The following USH2A variants were observed in gnomAD, a reference collection of about 807,000 sequenced individuals.
The protein encoded by USH2A is Usher syndrome 2A (autosomal recessive, mild).
A neutral mutation model predicts 538.9 loss-of-function variants in USH2A; 443 were observed. The observed-to-expected ratio is 0.82, with a 90% confidence interval of 0.76 to 0.89. The LOEUF is 0.89. USH2A is among the 40% of genes least tolerant of loss of function. USH2A has a pLI of 0.00. For synonymous variants in USH2A, 2,413 were observed against 2,273.5 expected (o/e 1.06, Z -1.75); for missense variants, 6,633 against 6,324.8 (o/e 1.05, Z -1.65).
intron 16 of USH2A, among the ~76,000 whole-genome samples, chr1:216,205,869 G>A (rs1345306309): frequency 3.3e-5 from 5 of 152,122 alleles, no homozygotes; most frequent in African/African-American, 9.7e-5. Context: ...TGTCTTTAGG[G>A]AAACTGTATC....
chr1:215,786,988 G>T, intron 51 of USH2A, 114 bp from the exon 52 acceptor site: 1 of 940,920 alleles, frequency 1.1e-6, no homozygotes. Flanking sequence ...CTTACTTGAT[G>T]AATGAATATT....
chr1:215,627,752 A>C (rs1262545463), intron 71 of USH2A, among the ~76,000 whole-genome samples: 1 of 151,642 alleles, frequency 6.6e-6, no homozygotes, highest in Non-Finnish European at 1.5e-5. Flanking sequence ...TCTCTATCTA[A>C]CTCTGGACCT....
chr1:216,090,042 G>T (rs1310321799), intron 22 of USH2A, among the ~76,000 whole-genome samples: 1 of 151,448 alleles, frequency 6.6e-6, no homozygotes, highest in Non-Finnish European at 1.5e-5. Flanking sequence ...CTTCTAAATG[G>T]GAATGAATTT....
chr1:216,234,760 T>C (rs2035773063), intron 13 of USH2A, among the ~76,000 whole-genome samples: 1 of 152,136 alleles, frequency 6.6e-6, no homozygotes, highest in South Asian at 2.1e-4. Context: ...GAAGAAATGA[T>C]GTATTAGATA....
chr1:215,845,723 G>A (rs994051228), intron 45 of USH2A, 101 bp downstream of exon 45: 40 of 1,351,310 alleles, frequency 3.0e-5, no homozygotes, highest in Non-Finnish European at 3.7e-5. Flanking sequence ...CTCCCACACC[G>A]GAAATTTTAT....
intron 65 of USH2A, 138 bp downstream of exon 65, chr1:215,650,454 C>T (rs1657019680): frequency 3.0e-6 from 3 of 1,005,766 alleles, no homozygotes; most frequent in Non-Finnish European, 4.6e-6. Flanking sequence ...GATATTTGTG[C>T]TACTAAGTTC....
intron 56 of USH2A, among the ~76,000 whole-genome samples, chr1:215,760,301 T>C (rs1660943207): frequency 6.6e-6 from 1 of 152,150 alleles, no homozygotes; most frequent in Non-Finnish European, 1.5e-5. Flanking sequence ...CCTCATTTAC[T>C]GGGATCTCTT....
intron 48 of USH2A, 44 bp from the exon 49 acceptor site, chr1:215,813,948 A>G: frequency 6.3e-7 from 1 of 1,594,292 alleles, no homozygotes; most frequent in Non-Finnish European, 8.6e-7. Flanking sequence ...AGTTTAGTTA[A>G]GAGTGTTATA....
rs559352658 is a variant in USH2A at position 216,146,007 on chromosome 1, T to C, written c.4627+29245A>G. On this transcript the variant is annotated intron_variant, in intron 21 of 71. Transcript: ENST00000307340. The stretch of plus-strand genomic sequence containing the variant: ...CAGGTGAAATAAACAGCTTTATTGC[T>C]CACACAAAGCCTGTTTGGTGGTCTC... Among the ~76,000 whole-genome samples the C allele has an allele frequency of 4.7e-4, 72 of 152,302 alleles. 1 individual carries two copies. The South Asian group carries it at 0.014, about 30-fold the overall frequency.
intron 11 of USH2A, among the ~76,000 whole-genome samples, chr1:216,278,367 A>G (rs139961875): frequency 7.2e-4 from 109 of 152,262 alleles, no homozygotes; most frequent in African/African-American, 2.5e-3. Context: ...AACTCCCTCA[A>G]TACTAACCTT....
At chr1:216,009,032 C>G (rs1046119621) in intron 32 of USH2A, among the ~76,000 whole-genome samples, 13 of 152,024 alleles carry the variant, frequency 8.6e-5, no homozygotes, top group African/African-American at 3.1e-4. Flanking sequence ...GCAAATATCC[C>G]AACCTCGTAT....
intron 11 of USH2A, among the ~76,000 whole-genome samples, chr1:216,278,107 A>G (rs1191022052): frequency 6.6e-6 from 1 of 152,134 alleles, no homozygotes; most frequent in Non-Finnish European, 1.5e-5. Context: ...ATATCCAGAC[A>G]CTACCTAATG....
intron 35 of USH2A, among the ~76,000 whole-genome samples, chr1:215,973,656 C>CTTTTTTTTTTTTTTTTTTT (rs750306238): frequency 7.6e-6 from 1 of 130,960 alleles, no homozygotes; most frequent in Non-Finnish European, 1.6e-5. Context: ...TCTTCTTCTT[C>CTTTTTTTTTTTTTTTTTTT]TTTTTTTTTT....
chr1:216,291,901 T>C (rs992032384), intron 10 of USH2A, among the ~76,000 whole-genome samples: 2 of 152,152 alleles, frequency 1.3e-5, no homozygotes, highest in African/African-American at 4.8e-5. Context: ...TTTAGTCAAA[T>C]GGTGTGAACT....
At chr1:215,988,620 C>A (rs1667935469) in intron 35 of USH2A, among the ~76,000 whole-genome samples, 1 of 152,188 alleles carries the variant, frequency 6.6e-6, no homozygotes, top group Admixed American at 6.5e-5. Context: ...AATATTCCCA[C>A]CAACAGTATT....
chr1:215,783,772 G>T (rs560334604), intron 52 of USH2A, among the ~76,000 whole-genome samples: 1 of 152,262 alleles, frequency 6.6e-6, no homozygotes, highest in East Asian at 1.9e-4. Flanking sequence ...ATTTTTGTGT[G>T]TTAGCTTCTG....
chr1:216,256,827 G>T (rs1461986618), intron 11 of USH2A, among the ~76,000 whole-genome samples: 1 of 151,910 alleles, frequency 6.6e-6, no homozygotes, highest in East Asian at 1.9e-4. Context: ...TATCAGTAAG[G>T]TTTTTGGTCA....
intron 21 of USH2A, among the ~76,000 whole-genome samples, chr1:216,150,638 G>A (rs2033811786): frequency 6.6e-6 from 1 of 152,086 alleles, no homozygotes; most frequent in Non-Finnish European, 1.5e-5. Context: ...TTTCTAGACA[G>A]GTTCAGCAAG....
At chr1:216,329,544 G>A (rs536045503) in intron 4 of USH2A, among the ~76,000 whole-genome samples, 14 of 152,032 alleles carry the variant, frequency 9.2e-5, no homozygotes, top group African/African-American at 2.7e-4. Flanking sequence ...CCTGTGTCCC[G>A]TTTTTTCTTT....
Sources: allele counts gnomAD v4.1 joint callset (sites outside exome capture counted in the v4.1 genomes callset), GRCh38; gene constraint gnomAD v4.1.1; transcripts MANE v1.5; gene names NCBI Gene and HGNC (gene_info 2026-07-23, HGNC 2026-07-21).